Variants in FAM20C observed in about 807,000 individuals in gnomAD.
FAM20C encodes the protein extracellular serine/threonine protein kinase FAM20C.
Under a neutral mutation model 51.5 loss-of-function variants are expected in FAM20C, and 40 were observed. The ratio of observed to expected loss-of-function variants is 0.78; its 90% CI spans 0.60 to 1.01. The LOEUF (loss-of-function observed/expected upper bound fraction) is 1.01, where lower values mean the gene tolerates loss of function less well. FAM20C is among the 50% of genes least tolerant of loss of function. The pLI, the probability that FAM20C is intolerant of heterozygous loss-of-function variation, is 0.00. For missense variants in FAM20C, 861 were observed against 844.7 expected, an observed-to-expected ratio of 1.02 and a Z score of -0.24; for synonymous variants, 406 against 380.6, an observed-to-expected ratio of 1.07 and a Z score of -0.78.
intron 3 of FAM20C, among the ~76,000 whole-genome samples, chr7:226,008 T>G (rs1003984960): frequency 1.3e-5 from 2 of 151,968 alleles, no homozygotes; most frequent in Non-Finnish European, 2.9e-5. Flanking sequence ...CTGAGCCTTC[T>G]CTCATTGCGC....
At chr7:218,329 T>G (rs1362775820) in intron 3 of FAM20C, among the ~76,000 whole-genome samples, 1 of 152,180 alleles carries the variant, frequency 6.6e-6, no homozygotes, top group East Asian at 1.9e-4. Context: ...TTTCCGGTGC[T>G]CCCGTCCTGG....
At chr7:211,723 C>T (rs1303340470) in intron 3 of FAM20C, among the ~76,000 whole-genome samples, 3 of 152,144 alleles carry the variant, frequency 2.0e-5, no homozygotes, top group Admixed American at 6.5e-5. Flanking sequence ...ACAGCATAGC[C>T]AGGAAACAGG....
chr7:192,641 C>T lies in FAM20C; in HGVS notation c.-559C>T, dbSNP rs1785610847. 6.7e-6 allele frequency among the ~76,000 whole-genome samples: 1 copy of T among 149,978 alleles called. No homozygotes were observed. Among genetic ancestry groups the T allele is most frequent in the Admixed American group, 6.6e-5 (1 of 15,102 alleles). Reference sequence around the variant, plus strand: ...CCTGCCCGGGACCCCGCCGGCCGCTCCCCGCGCCCACCCCTTCCGCCCTTC... The same window carrying T: ...CCTGCCCGGGACCCCGCCGGCCGCTTCCCGCGCCCACCCCTTCCGCCCTTC... On this transcript the variant is annotated 5_prime_UTR_variant, in exon 1 of 10. Coordinates refer to ENST00000313766, the MANE Select transcript of FAM20C (RefSeq NM_020223.4).
intron 3 of FAM20C, 54 bp from the exon 4 acceptor site, chr7:246,361 C>T: frequency 1.4e-6 from 2 of 1,429,988 alleles, no homozygotes; most frequent in Non-Finnish European, 1.9e-6. Flanking sequence ...TGCCTCCGGC[C>T]CCTGGAGGCT....
intron 3 of FAM20C, among the ~76,000 whole-genome samples, chr7:222,944 ATG>A (rs1787301886): frequency 6.6e-6 from 1 of 151,410 alleles, no homozygotes; most frequent in African/African-American, 2.4e-5. Context: ...ACACGTGTGC[ATG>A]TGTGTGTGAG....
At chr7:219,217 A>C (rs1342397118) in intron 3 of FAM20C, among the ~76,000 whole-genome samples, 1 of 152,150 alleles carries the variant, frequency 6.6e-6, no homozygotes, top group Non-Finnish European at 1.5e-5. Context: ...TTTGTTGTCC[A>C]GGGCTGGGCA....
chr7:241,447 C>T (rs1201775310), intron 3 of FAM20C, among the ~76,000 whole-genome samples: 3 of 152,288 alleles, frequency 2.0e-5, no homozygotes, highest in Non-Finnish European at 2.9e-5. Context: ...CCACTAAATG[C>T]GCTTTCCCAG....
At chr7:217,962 TG>T (rs1268428846) in intron 3 of FAM20C, among the ~76,000 whole-genome samples, 1 of 152,132 alleles carries the variant, frequency 6.6e-6, no homozygotes, top group East Asian at 1.9e-4. Flanking sequence ...ATAAGCTACC[TG>T]GGGTCCTGTA....
chr7:231,770 C>T (rs758268303), intron 3 of FAM20C, among the ~76,000 whole-genome samples: 2 of 152,142 alleles, frequency 1.3e-5, no homozygotes, highest in African/African-American at 4.8e-5. Flanking sequence ...TCTCAGGCAC[C>T]GGGTCTTTTT....
In FAM20C at chr7:210,290, T is replaced by C. The variant is rs146350176; in HGVS notation, c.863+1314T>C. On this transcript the variant is annotated intron_variant, in intron 3 of 9. Transcript: ENST00000313766. ...TGCGTGGATGTGAAACTCAGCCTCCTTGGGCCTCTCGTGGCCTCTGCCCCG... is the reference window on the plus strand; with the variant it reads ...TGCGTGGATGTGAAACTCAGCCTCCCTGGGCCTCTCGTGGCCTCTGCCCCG... 1.2e-3 allele frequency among the ~76,000 whole-genome samples: 176 copies of C among 152,156 alleles called. 1 individual carries two copies. Among genetic ancestry groups the C allele is most frequent in the South Asian group, 9.1e-3 (44 of 4,828 alleles).
At chr7:234,318 G>C (rs1294061613) in intron 3 of FAM20C, among the ~76,000 whole-genome samples, 2 of 152,268 alleles carry the variant, frequency 1.3e-5, no homozygotes, top group African/African-American at 4.8e-5. Context: ...GCCCAGTCGG[G>C]AGTTGTGAAG....
At chr7:249,200 C>T (rs1788298420) in intron 5 of FAM20C, among the ~76,000 whole-genome samples, 2 of 152,204 alleles carry the variant, frequency 1.3e-5, no homozygotes, top group African/African-American at 4.8e-5. Flanking sequence ...AGCAGGACCC[C>T]CGTTGTATAG....
chr7:236,922 G>A (rs1400722314), intron 3 of FAM20C, among the ~76,000 whole-genome samples: 1 of 152,200 alleles, frequency 6.6e-6, no homozygotes, highest in Non-Finnish European at 1.5e-5. Context: ...AAGACTCCAG[G>A]AGCATTTCAG....
chr7:202,557 G>A lies in FAM20C; in HGVS notation c.785-6341G>A, dbSNP rs550027960. Among the ~76,000 whole-genome samples, 16 of 144,388 alleles carry A rather than the reference G, an allele frequency of 1.1e-4. No individual in the cohort carries two copies. In the South Asian group the frequency reaches 3.6e-3, roughly 33 times the overall value. 94.7% of individuals were successfully genotyped at this position (144,388 alleles called of 152,430 possible). ...GACATCTTCCCGTGTGCATAGAGAG[G>A]ACGGGTAGCTGCTGGGTGGGATTGT... On this transcript the variant is annotated intron_variant, in intron 2 of 9. Transcript: ENST00000313766.
chr7:251,916 G>A (rs1206382780), intron 5 of FAM20C, among the ~76,000 whole-genome samples: 1 of 152,184 alleles, frequency 6.6e-6, no homozygotes, highest in Non-Finnish European at 1.5e-5. Flanking sequence ...GCCAGGCCCA[G>A]CATTGTCAGG....
Position 260,619 on chromosome 7 carries a change from G to C in FAM20C, c.*639G>C, listed in dbSNP as rs1788840164. 6.6e-6 allele frequency: 1 copy of C among 152,362 alleles called. No individual in the cohort carries two copies. Among genetic ancestry groups the C allele is most frequent in the Non-Finnish European group, 1.5e-5 (1 of 68,112 alleles). 9.4% of individuals were successfully genotyped at this position (152,362 alleles called of 1,614,324 possible). A position where few individuals can be genotyped will look rare whatever the true frequency, so the allele number is the denominator to read the frequency against. ...GGCCTGCAGCACCCACCTCGGACTT[G>C]GCTGTGGACGGTTGGTGCAAGTGCA... is the stretch of plus-strand genomic sequence containing the variant. On this transcript the variant is annotated 3_prime_UTR_variant, in exon 10 of 10. Transcript: ENST00000313766.
At position 193,488 on chromosome 7, in the gene FAM20C, G is replaced by A. The variant is rs1242978606; in HGVS notation, c.289G>A (p.Asp97Asn). The change falls in exon 1 of 10, where the codon GAC becomes AAC. Residue 97 changes from aspartate (D) to asparagine (N), a missense_variant. This residue lies in a region of FAM20C where 561 missense variants were observed against 499.8 expected (regional missense o/e 1.12). Coordinates refer to ENST00000313766, the MANE Select transcript of FAM20C (RefSeq NM_020223.4). ...TLRILQDFSS[D>N]PSSNLSSHSL... ...CCGCATCCTGCAGGACTTCAGCTCC[G>A]ACCCCTCCTCCAACCTCTCGTCCCA... 6.7e-7 allele frequency: 1 copy of A among 1,501,802 alleles called. No homozygotes were observed. Among genetic ancestry groups the A allele is most frequent in the Non-Finnish European group, 8.9e-7 (1 of 1,122,006 alleles). 93.0% of individuals were successfully genotyped at this position (1,501,802 alleles called of 1,614,324 possible).
chr7:201,804 T>C (rs556278390), intron 2 of FAM20C, among the ~76,000 whole-genome samples: 24 of 152,306 alleles, frequency 1.6e-4, no homozygotes, highest in Non-Finnish European at 1.6e-4. Flanking sequence ...GGGGAGAGAC[T>C]GTGGGCAAAA....
intron 5 of FAM20C, among the ~76,000 whole-genome samples, chr7:253,415 G>A (rs886923907): frequency 6.6e-6 from 1 of 152,048 alleles, no homozygotes; most frequent in Admixed American, 6.5e-5. Context: ...GAGGCCAACC[G>A]TGATGCCATT....
Sources: allele counts gnomAD v4.1 joint callset (sites outside exome capture counted in the v4.1 genomes callset), GRCh38; gene constraint gnomAD v4.1.1; regional missense constraint gnomAD v4.1.1; transcripts MANE v1.5; gene names NCBI Gene and HGNC (gene_info 2026-07-23, HGNC 2026-07-21).